CPQ: variants seen among roughly 807,000 people sequenced by gnomAD.
The protein encoded by CPQ is Ser-Met dipeptidase.
In CPQ, 37 loss-of-function variants were observed where a neutral mutation model predicts 45.7. That is an observed-to-expected ratio of 0.81 (90% CI 0.62 to 1.07). CPQ has a LOEUF of 1.07. CPQ is among the 50% of genes least tolerant of loss of function. The pLI is 0.00. For synonymous variants in CPQ, 186 were observed against 205.8 expected, an observed-to-expected ratio of 0.90 and a Z score of 0.82; for missense variants, 537 against 572.9, an observed-to-expected ratio of 0.94 and a Z score of 0.64.
At chr8:96,838,526 A>G (rs1176594715) in intron 3 of CPQ, among the ~76,000 whole-genome samples, 3 of 152,106 alleles carry the variant, frequency 2.0e-5, no homozygotes, top group Non-Finnish European at 2.9e-5. Context: ...ATGCTATTAC[A>G]TGGAGGCTAG....
At chr8:96,671,628 A>G (rs1809006231) in intron 1 of CPQ, among the ~76,000 whole-genome samples, 1 of 152,206 alleles carries the variant, frequency 6.6e-6, no homozygotes, top group Admixed American at 6.5e-5. Flanking sequence ...ATTAAATTTG[A>G]AAGAATATTC....
rs183943682 is a variant in CPQ at position 96,998,408 on chromosome 8, A to T, written c.962-30995A>T. Among the ~76,000 whole-genome samples the T allele has an allele frequency of 2.9e-3, 435 of 151,982 alleles. 2 individuals are homozygous for T. Among genetic ancestry groups the T allele is most frequent in the Non-Finnish European group, 4.1e-3 (278 of 67,850 alleles). On this transcript the variant is annotated intron_variant, in intron 5 of 7. Transcript: ENST00000220763. Reference sequence around the variant, plus strand: ...AGACTTTATAAATTGGATCACGGAAATTAGAAATTACCAAACTGTGCAAAA... The same window carrying T: ...AGACTTTATAAATTGGATCACGGAATTTAGAAATTACCAAACTGTGCAAAA...
At chr8:96,676,458 A>G (rs1224341101) in intron 1 of CPQ, among the ~76,000 whole-genome samples, 1 of 151,856 alleles carries the variant, frequency 6.6e-6, no homozygotes, top group Non-Finnish European at 1.5e-5. Flanking sequence ...CTCCATTTCC[A>G]TCCATGTTGC....
At chr8:96,917,323 T>C (rs1319968097) in intron 4 of CPQ, among the ~76,000 whole-genome samples, 2 of 152,322 alleles carry the variant, frequency 1.3e-5, no homozygotes, top group Non-Finnish European at 2.9e-5. Flanking sequence ...TAAGTACTGG[T>C]TATAATCTAG....
chr8:96,738,681 A>G (rs917110347), intron 1 of CPQ, among the ~76,000 whole-genome samples: 4 of 152,014 alleles, frequency 2.6e-5, no homozygotes, highest in South Asian at 2.1e-4. Context: ...TTATTGTTCA[A>G]TTCCCACCTA....
At chr8:96,787,391 G>A (rs755868589) in intron 2 of CPQ, among the ~76,000 whole-genome samples, 39 of 151,802 alleles carry the variant, frequency 2.6e-4, no homozygotes, top group African/African-American at 4.4e-4. Context: ...TTGCATTACT[G>A]GGATAAACCC....
chr8:96,898,023 C>G (rs140606105), intron 4 of CPQ, among the ~76,000 whole-genome samples: 1 of 149,368 alleles, frequency 6.7e-6, no homozygotes, highest in Non-Finnish European at 1.5e-5. Flanking sequence ...CATAGGGAAC[C>G]GTTAATTAAG....
At chr8:97,013,677 G>A (rs1208328590) in intron 5 of CPQ, among the ~76,000 whole-genome samples, 2 of 152,178 alleles carry the variant, frequency 1.3e-5, no homozygotes, top group Admixed American at 1.3e-4. Context: ...TGGAAAGAAA[G>A]TGAGGAGGCC....
intron 7 of CPQ, among the ~76,000 whole-genome samples, chr8:97,085,656 A>AT (rs1006063503): frequency 1.3e-4 from 20 of 152,224 alleles, no homozygotes; most frequent in South Asian, 1.2e-3. Context: ...AGTAACATTA[A>AT]TTTTTTTCAT....
At chr8:97,035,738 C>T (rs1479490243) in intron 6 of CPQ, among the ~76,000 whole-genome samples, 3 of 151,988 alleles carry the variant, frequency 2.0e-5, no homozygotes, top group African/African-American at 4.8e-5. Flanking sequence ...GACAGAGTCT[C>T]GCTCTGTCGC....
chr8:96,726,851 C>A (rs1809850056), intron 1 of CPQ, among the ~76,000 whole-genome samples: 1 of 151,792 alleles, frequency 6.6e-6, no homozygotes, highest in Admixed American at 6.6e-5. Flanking sequence ...CCTTTGCTGC[C>A]TTGGGACTAT....
Position 97,066,027 on chromosome 8 carries a change from A to G in CPQ, c.1072A>G (p.Ser358Gly), listed in dbSNP as rs1563570764. 2 of 1,610,160 alleles carry G rather than the reference A, an allele frequency of 1.2e-6. No individual in the cohort carries two copies. Among genetic ancestry groups the G allele is most frequent in the Admixed American group, 1.7e-5 (1 of 59,248 alleles). The stretch of plus-strand genomic sequence containing the variant: ...TGTTTAGGTAAATATTTCCAACTAC[A>G]GTCTGGTGATGGAGTCTGACGCAGG... ...QLHKVNISNY[S>G]LVMESDAGTF... Residue 358 changes from serine to glycine, a missense_variant, in exon 7 of 8, where the codon AGT becomes GGT. Ser to Gly is a moderately conservative substitution (Grantham distance 56). Transcript: ENST00000220763.
At position 97,029,351 on chromosome 8, in the gene CPQ, T is replaced by C. The variant is rs990133276; in HGVS notation, c.962-52T>C. 1.3e-4 allele frequency: 203 copies of C among 1,527,208 alleles called. No homozygotes were observed. The South Asian group carries it at 2.4e-3, about 18-fold the overall frequency. 94.6% of individuals were successfully genotyped at this position (1,527,208 alleles called of 1,614,324 possible). On this transcript the variant is annotated intron_variant, in intron 5 of 7. Coordinates refer to ENST00000220763, the MANE Select transcript of CPQ (RefSeq NM_016134.4). ...GATGAGGGACCCTGCCATTTTTTTA[T>C]AAAATTCAAAATCAACTAAAGTATC...
At chr8:96,835,536 A>T (rs181547806) in intron 3 of CPQ, among the ~76,000 whole-genome samples, 1 of 152,326 alleles carries the variant, frequency 6.6e-6, no homozygotes, top group East Asian at 1.9e-4. Flanking sequence ...AGAGGGAGCC[A>T]GCCTGTTTTC....
intron 4 of CPQ, among the ~76,000 whole-genome samples, chr8:96,930,194 G>C (rs1048933366): frequency 3.3e-5 from 5 of 152,192 alleles, no homozygotes; most frequent in African/African-American, 1.2e-4. Context: ...TACAGAGAAA[G>C]TCACAGAGCA....
chr8:97,077,921 TA>T (rs1381533652), intron 7 of CPQ, among the ~76,000 whole-genome samples: 2 of 152,222 alleles, frequency 1.3e-5, no homozygotes, highest in Middle Eastern at 3.2e-3. Flanking sequence ...CCTTATCAGC[TA>T]TTCAGTTACT....
chr8:97,134,989 CCA>C (rs2130626839), intron 7 of CPQ, among the ~76,000 whole-genome samples: 1 of 152,264 alleles, frequency 6.6e-6, no homozygotes, highest in South Asian at 2.1e-4. Flanking sequence ...GTTATTGCTG[CCA>C]CACAGTTTTA....
At chr8:96,819,778 C>T (rs995934325) in intron 2 of CPQ, among the ~76,000 whole-genome samples, 5 of 152,050 alleles carry the variant, frequency 3.3e-5, no homozygotes, top group Non-Finnish European at 5.9e-5. Flanking sequence ...GGACCACTTC[C>T]ACCTCTTGGT....
intron 1 of CPQ, among the ~76,000 whole-genome samples, chr8:96,682,556 ATTG>A (rs779757536): frequency 1.3e-5 from 2 of 152,084 alleles, no homozygotes; most frequent in Non-Finnish European, 2.9e-5. Flanking sequence ...TACACCAACT[ATTG>A]TTGTACTGGA....
Sources: allele counts gnomAD v4.1 joint callset (sites outside exome capture counted in the v4.1 genomes callset), GRCh38; gene constraint gnomAD v4.1.1; transcripts MANE v1.5; gene names NCBI Gene and HGNC (gene_info 2026-07-23, HGNC 2026-07-21).